The following COL4A2 variants were observed in gnomAD, a reference collection of about 807,000 sequenced individuals.
COL4A2 encodes the protein collagen alpha-2(IV) chain.
In COL4A2, 99 loss-of-function variants were observed where a neutral mutation model predicts 200.2. The ratio of observed to expected loss-of-function variants is 0.49; its 90% CI spans 0.42 to 0.58. The LOEUF is 0.58. COL4A2 is among the 20% of genes least tolerant of loss of function. COL4A2 has a pLI of 0.00. For synonymous variants in COL4A2, 897 were observed against 900.6 expected, an observed-to-expected ratio of 1.00 and a Z score of 0.07; for missense variants, 1,950 against 2,314.1, an observed-to-expected ratio of 0.84 and a Z score of 3.23.
At chr13:110,348,563 G>A (rs367569159) in intron 3 of COL4A2, among the ~76,000 whole-genome samples, 5 of 152,146 alleles carry the variant, frequency 3.3e-5, no homozygotes, top group African/African-American at 1.2e-4. Flanking sequence ...TCCCGAGTTG[G>A]CTTTCTTCTC....
intron 20 of COL4A2, among the ~76,000 whole-genome samples, chr13:110,454,470 T>C (rs1881644794): frequency 6.6e-6 from 1 of 152,166 alleles, no homozygotes; most frequent in Non-Finnish European, 1.5e-5. Context: ...TAAATTTCTC[T>C]CTACCTGCGA....
intron 16 of COL4A2, among the ~76,000 whole-genome samples, chr13:110,442,740 T>C (rs1315002332): frequency 1.4e-5 from 2 of 146,640 alleles, no homozygotes; most frequent in African/African-American, 5.0e-5. Context: ...AAATTAGAGA[T>C]GGTTTCGTCT....
chr13:110,402,078 A>G (rs2099468999), intron 4 of COL4A2, among the ~76,000 whole-genome samples: 1 of 152,218 alleles, frequency 6.6e-6, no homozygotes, highest in Admixed American at 6.5e-5. Context: ...CCCAAAATTT[A>G]TATCCTTCTC....
intron 3 of COL4A2, 105 bp downstream of exon 3, chr13:110,308,228 T>C (rs539903754): frequency 1.1e-4 from 145 of 1,271,638 alleles, no homozygotes; most frequent in Middle Eastern, 1.9e-4. Flanking sequence ...AGTGTGTGTG[T>C]GCGTGTGGAT....
chr13:110,489,607 A>G, intron 35 of COL4A2, 99 bp downstream of exon 35: 1 of 1,592,134 alleles, frequency 6.3e-7, no homozygotes, highest in Non-Finnish European at 8.6e-7. Context: ...TAGGTATTTT[A>G]AAACAAATTA....
intron 38 of COL4A2, among the ~76,000 whole-genome samples, chr13:110,493,006 C>G (rs1200707391): frequency 6.6e-6 from 1 of 152,180 alleles, no homozygotes; most frequent in Admixed American, 6.5e-5. Context: ...CCCAGAACCC[C>G]CTGTGCTGTC....
intron 3 of COL4A2, among the ~76,000 whole-genome samples, chr13:110,353,015 G>A (rs1216088898): frequency 6.6e-6 from 1 of 152,226 alleles, no homozygotes; most frequent in Admixed American, 6.5e-5. Flanking sequence ...GGGGGCGTCA[G>A]TGAGAGCTGG....
At chr13:110,458,035 G>C (rs1881845456) in intron 21 of COL4A2, 1 of 441,208 alleles carries the variant, frequency 2.3e-6, no homozygotes, top group Non-Finnish European at 4.7e-6. Flanking sequence ...GGTGCAGGCT[G>C]TGCTCCTGCT....
chr13:110,408,782 C>A (rs1292182098), intron 4 of COL4A2, among the ~76,000 whole-genome samples: 2 of 146,460 alleles, frequency 1.4e-5, no homozygotes, highest in African/African-American at 5.1e-5. Context: ...AGCCACATGA[C>A]ACGCGTACAC....
chr13:110,378,082 C>T (rs1233200570), intron 4 of COL4A2, among the ~76,000 whole-genome samples: 3 of 152,168 alleles, frequency 2.0e-5, no homozygotes, highest in Non-Finnish European at 4.4e-5. Context: ...AGGAATAGCC[C>T]AGGCGTCTCG....
In COL4A2 at chr13:110,450,293, G is replaced by C. The variant is rs200623034; in HGVS notation, c.1190-12G>C. The C allele has an allele frequency of 5.6e-6, 9 of 1,611,958 alleles. No individual in the cohort carries two copies. The highest frequency in any genetic ancestry group is 7.6e-6 in the Non-Finnish European group (9 of 1,178,306). ...GAGACTCACGCTGCAGGTGAATGCT[G>C]TTTGGTTTCAGATCAGAGGAGAGGC... On this transcript the variant is annotated splice_polypyrimidine_tract_variant and intron_variant, in intron 19 of 47. Coordinates refer to ENST00000360467, the MANE Select transcript of COL4A2 (RefSeq NM_001846.4).
intron 32 of COL4A2, 150 bp downstream of exon 32, chr13:110,482,809 C>A: frequency 1.3e-6 from 1 of 755,654 alleles, no homozygotes; most frequent in Non-Finnish European, 2.1e-6. Context: ...AATGAGCTAA[C>A]AAAAACTCAA....
chr13:110,464,992 C>G (rs576514885), intron 24 of COL4A2, among the ~76,000 whole-genome samples: 5 of 152,316 alleles, frequency 3.3e-5, no homozygotes, highest in African/African-American at 9.6e-5. Context: ...TTTCCTTTAA[C>G]AACGTAGCAT....
chr13:110,380,095 G>C (rs1416066134), intron 4 of COL4A2, among the ~76,000 whole-genome samples: 1 of 152,190 alleles, frequency 6.6e-6, no homozygotes, highest in Non-Finnish European at 1.5e-5. Context: ...CCATGTTTGA[G>C]CAAAGCATCT....
At chr13:110,385,539 G>A (rs61963190) in intron 4 of COL4A2, among the ~76,000 whole-genome samples, 7,689 of 21,410 alleles carry the variant, frequency 0.36, 1,429 homozygotes, top group East Asian at 0.46. Flanking sequence ...GCGTGGATAG[G>A]CCGTGGTTGC....
intron 20 of COL4A2, among the ~76,000 whole-genome samples, chr13:110,454,487 AC>A (rs1338968868): frequency 6.6e-6 from 1 of 152,194 alleles, no homozygotes; most frequent in African/African-American, 2.4e-5. Flanking sequence ...GCGACACTGC[AC>A]GTCTCATCAC....
chr13:110,449,631 C>T, intron 18 of COL4A2, 48 bp from the exon 19 acceptor site: 1 of 1,492,946 alleles, frequency 6.7e-7, no homozygotes, highest in Non-Finnish European at 9.0e-7. Context: ...CAGCTGCGAT[C>T]CGTAGACCAC....
intron 10 of COL4A2, chr13:110,431,013 C>T (rs1880660221): frequency 9.9e-6 from 4 of 402,576 alleles, no homozygotes; most frequent in Middle Eastern, 8.4e-4. Flanking sequence ...CACCTGGGCT[C>T]ATTACAGCAG....
intron 32 of COL4A2, among the ~76,000 whole-genome samples, chr13:110,484,251 C>T (rs949686923): frequency 6.6e-6 from 1 of 152,188 alleles, no homozygotes; most frequent in African/African-American, 2.4e-5. Flanking sequence ...ATTTTGATCC[C>T]ATCAGCCTCT....
Sources: allele counts gnomAD v4.1 joint callset (sites outside exome capture counted in the v4.1 genomes callset), GRCh38; gene constraint gnomAD v4.1.1; transcripts MANE v1.5; gene names NCBI Gene and HGNC (gene_info 2026-07-23, HGNC 2026-07-21).